SYN2: variants seen among roughly 807,000 people sequenced by gnomAD.
SYN2 encodes the protein synapsin-2.
Under a neutral mutation model 50.9 loss-of-function variants are expected in SYN2, and 19 were observed. The observed-to-expected ratio is 0.37, with a 90% CI of 0.26 to 0.55. The LOEUF is 0.55. Among genes scored for constraint, SYN2 ranks in the 20% least tolerant of loss-of-function variants. The probability of loss-of-function intolerance (pLI) is 0.81; values close to 1 mark genes in which losing one functional copy is unlikely to be tolerated. For missense variants in SYN2, 587 were observed against 576.4 expected (o/e 1.02, Z -0.19); for synonymous variants, 255 against 224.9 (o/e 1.13, Z -1.20).
At chr3:12,169,625 G>A (rs1452403956) in intron 9 of SYN2, 132 bp from the exon 10 acceptor site, 6 of 979,818 alleles carry the variant, frequency 6.1e-6, no homozygotes, top group African/African-American at 3.3e-5. Context: ...CACACTTCCA[G>A]CTGAAGAGAA....
rs1698266017 is a variant in SYN2 at position 12,183,364 on chromosome 3, C to T, written c.1361C>T (p.Pro454Leu). ...DSSKTPPQRP[P>L]PQGGPGQPQG... ...AGCAAGACCCCACCTCAGCGGCCAC[C>T]CCCTCAAGGTTGTTTACAGTATATT... Residue 454 changes from proline (P) to leucine (L), a missense_variant, in exon 11 of 13, where the codon CCC becomes CTC. By Grantham distance (98) the Pro-to-Leu change is moderately conservative (BLOSUM62 -3). Coordinates refer to ENST00000621198, the MANE Select transcript of SYN2 (RefSeq NM_133625.6). 8 of 1,613,852 alleles carry T rather than the reference C, an allele frequency of 5.0e-6. No homozygotes were observed. The highest frequency in any genetic ancestry group is 6.8e-6 in the Non-Finnish European group (8 of 1,179,846).
chr3:12,037,016 C>A (rs1046774348), intron 1 of SYN2, among the ~76,000 whole-genome samples: 4 of 152,208 alleles, frequency 2.6e-5, no homozygotes, highest in African/African-American at 9.6e-5. Flanking sequence ...GACATGAAGA[C>A]AATTCCACTA....
chr3:12,179,880 T>G (rs2125252644), intron 10 of SYN2, among the ~76,000 whole-genome samples: 1 of 152,216 alleles, frequency 6.6e-6, no homozygotes, highest in East Asian at 1.9e-4. Context: ...TTTGGCAGCA[T>G]CATTACAGAC....
At chr3:12,142,553 G>C (rs539723176) in intron 3 of SYN2, among the ~76,000 whole-genome samples, 1 of 152,312 alleles carries the variant, frequency 6.6e-6, no homozygotes, top group Admixed American at 6.5e-5. Context: ...AAGAGACATG[G>C]TGGGTGGAAG....
intron 1 of SYN2, among the ~76,000 whole-genome samples, chr3:12,058,374 CAG>C (rs1695043241): frequency 6.6e-6 from 1 of 152,112 alleles, no homozygotes; most frequent in Non-Finnish European, 1.5e-5. Context: ...CTAAAGGAAT[CAG>C]AACTCAGAAT....
chr3:12,184,580 C>T, intron 11 of SYN2: 1 of 985,922 alleles, frequency 1.0e-6, no homozygotes. Context: ...AGCTGTTTAC[C>T]ACAGCCCTCC....
chr3:12,028,652 T>C (rs1482921941), intron 1 of SYN2, among the ~76,000 whole-genome samples: 48 of 143,586 alleles, frequency 3.3e-4, no homozygotes, highest in Non-Finnish European at 6.3e-4. Context: ...TTTCATGTGT[T>C]TTTTGGCTGC....
chr3:12,071,688 G>C, intron 1 of SYN2: 1 of 310,150 alleles, frequency 3.2e-6, no homozygotes. Flanking sequence ...GGCTTGGTGA[G>C]TCTGTGTGGC....
chr3:12,158,354 G>GC (rs1697521214), intron 5 of SYN2, among the ~76,000 whole-genome samples: 1 of 152,132 alleles, frequency 6.6e-6, no homozygotes. Context: ...TACAATGCAA[G>GC]CCCTCTCCCC....
At chr3:12,053,455 A>T (rs191993785) in intron 1 of SYN2, among the ~76,000 whole-genome samples, 94 of 150,954 alleles carry the variant, frequency 6.2e-4, no homozygotes, top group Admixed American at 1.4e-3. Context: ...AAAACAAAAA[A>T]ATATATATAG....
intron 11 of SYN2, chr3:12,183,640 T>G (rs1698273909): frequency 7.1e-7 from 1 of 1,413,372 alleles, no homozygotes; most frequent in Non-Finnish European, 9.2e-7. Flanking sequence ...TAATGCTCAC[T>G]TATGTTTTCT....
intron 1 of SYN2, among the ~76,000 whole-genome samples, chr3:12,082,045 A>T (rs1342981089): frequency 6.6e-6 from 1 of 152,200 alleles, no homozygotes; most frequent in Non-Finnish European, 1.5e-5. Context: ...CACTAGGGGA[A>T]CACCCAGGGC....
intron 7 of SYN2, among the ~76,000 whole-genome samples, chr3:12,165,072 C>T (rs1205457539): frequency 1.3e-5 from 2 of 151,088 alleles, no homozygotes; most frequent in African/African-American, 2.4e-5. Flanking sequence ...CTGCAACCTC[C>T]GCCTCCCTGG....
intron 7 of SYN2, among the ~76,000 whole-genome samples, chr3:12,166,057 G>A (rs1027263760): frequency 2.0e-5 from 3 of 152,164 alleles, no homozygotes; most frequent in Non-Finnish European, 2.9e-5. Flanking sequence ...TTGGTGAGGA[G>A]GCACCTTAGA....
intron 1 of SYN2, among the ~76,000 whole-genome samples, chr3:12,057,584 T>C (rs1003761355): frequency 6.6e-6 from 1 of 152,184 alleles, no homozygotes; most frequent in African/African-American, 2.4e-5. Context: ...CTTATTTCTT[T>C]GGTTACAGTT....
Position 12,190,869 on chromosome 3 carries a change from G to A in SYN2, c.*244G>A. 1 of 1,275,156 alleles carries A rather than the reference G, an allele frequency of 7.8e-7. No homozygotes were observed. Among genetic ancestry groups the A allele is most frequent in the Non-Finnish European group, 9.9e-7 (1 of 1,012,486 alleles). 79.0% of individuals were successfully genotyped at this position (1,275,156 alleles called of 1,614,324 possible). A position where few individuals can be genotyped will look rare whatever the true frequency, so the allele number is the denominator to read the frequency against. The stretch of plus-strand genomic sequence containing the variant: ...GAAAGAGCTGCTTCCCTGTAGTCAT[G>A]AGAGCTTCCTTCTGAAGTCATCGTT... On this transcript the variant is annotated 3_prime_UTR_variant, in exon 13 of 13. Coordinates refer to ENST00000621198, the MANE Select transcript of SYN2 (RefSeq NM_133625.6).
At chr3:12,128,932 G>A (rs1043958956) in intron 1 of SYN2, among the ~76,000 whole-genome samples, 2 of 152,112 alleles carry the variant, frequency 1.3e-5, no homozygotes, top group African/African-American at 4.8e-5. Context: ...ACAGAGCTGG[G>A]CATGAGATTG....
chr3:12,046,479 T>C (rs764069841), intron 1 of SYN2, among the ~76,000 whole-genome samples: 2 of 152,180 alleles, frequency 1.3e-5, no homozygotes, highest in Admixed American at 1.3e-4. Flanking sequence ...TAGGCTTTGC[T>C]AAGGATTTTG....
intron 1 of SYN2, among the ~76,000 whole-genome samples, chr3:12,049,916 T>A (rs1303034870): frequency 6.6e-6 from 1 of 152,118 alleles, no homozygotes; most frequent in African/African-American, 2.4e-5. Context: ...CAAAGCAATC[T>A]CGACAGTTTT....
Sources: allele counts gnomAD v4.1 joint callset (sites outside exome capture counted in the v4.1 genomes callset), GRCh38; gene constraint gnomAD v4.1.1; transcripts MANE v1.5; gene names NCBI Gene and HGNC (gene_info 2026-07-23, HGNC 2026-07-21).